The following LIN9 variants were observed in gnomAD, a reference collection of about 807,000 sequenced individuals.
The protein encoded by LIN9 is protein lin-9 homolog.
In LIN9, 18 loss-of-function variants were observed where a neutral mutation model predicts 78.0. The observed-to-expected ratio is 0.23, with a 90% CI of 0.16 to 0.34. The LOEUF (loss-of-function observed/expected upper bound fraction) is 0.34, where lower values mean the gene tolerates loss of function less well. LIN9 is among the 10% of genes least tolerant of loss of function. The probability of loss-of-function intolerance (pLI) is 1.00; values close to 1 mark genes in which losing one functional copy is unlikely to be tolerated. For synonymous variants in LIN9, 192 were observed against 215.2 expected, an observed-to-expected ratio of 0.89 and a Z score of 0.94; for missense variants, 451 against 644.1, an observed-to-expected ratio of 0.70 and a Z score of 3.25.
At chr1:226,297,995 C>T (rs1011485293) in intron 2 of LIN9, among the ~76,000 whole-genome samples, 182 bp from the exon 3 acceptor site, 2 of 152,134 alleles carry the variant, frequency 1.3e-5, no homozygotes, top group African/African-American at 4.8e-5. Flanking sequence ...CTGTCAAACT[C>T]TCTAAATAAT....
At position 226,232,356 on chromosome 1, in the gene LIN9, G is replaced by A; in HGVS notation, c.*145C>T. The A allele has an allele frequency of 3.8e-6, 2 of 525,260 alleles. No homozygotes were observed. Among genetic ancestry groups the A allele is most frequent in the Non-Finnish European group, 6.7e-6 (2 of 297,914 alleles). The allele number at this position is 525,260 out of a possible 1,614,324, so 32.5% of individuals were successfully genotyped here. A position where few individuals can be genotyped will look rare whatever the true frequency, so the allele number is the denominator to read the frequency against. ...GTCAGCAATGCTGGTTTAAGAAGCA[G>A]TACAGTCTATTAAAATGCCTTATTT... On this transcript the variant is annotated 3_prime_UTR_variant, in exon 15 of 15. Transcript: ENST00000681046.
At chr1:226,269,151 A>G (rs756522376) in intron 7 of LIN9, among the ~76,000 whole-genome samples, 1 of 152,270 alleles carries the variant, frequency 6.6e-6, no homozygotes, top group Non-Finnish European at 1.5e-5. Flanking sequence ...ACCAAAAAGT[A>G]TAATACACAA....
chr1:226,252,322 G>A (rs7521958), intron 10 of LIN9, among the ~76,000 whole-genome samples: 25,627 of 141,162 alleles, frequency 0.18, 2,373 homozygotes, highest in Middle Eastern at 0.26. Flanking sequence ...ATAAATAAAT[G>A]AATGAATGAA....
intron 3 of LIN9, 90 bp downstream of exon 3, chr1:226,297,629 T>TC: frequency 2.3e-6 from 2 of 862,896 alleles, no homozygotes; most frequent in South Asian, 5.4e-5. Flanking sequence ...CTTGTAAATT[T>TC]TTTACTGTGC....
chr1:226,235,179 G>A (rs555773945), intron 12 of LIN9, among the ~76,000 whole-genome samples: 1 of 151,780 alleles, frequency 6.6e-6, no homozygotes, highest in Admixed American at 6.6e-5. Flanking sequence ...AAAATTAGCT[G>A]GGCATGGTGG....
chr1:226,299,504 C>CA lies in LIN9; in HGVS notation c.64+1668dup, dbSNP rs34440310. Among the ~76,000 whole-genome samples, 595 of 88,792 alleles carry CA rather than the reference C, an allele frequency of 6.7e-3. 6 individuals carry two copies. The highest frequency in any genetic ancestry group is 0.016 in the African/African-American group (352 of 22,622). The allele number at this position is 88,792 out of a possible 152,430, so 58.3% of individuals were successfully genotyped here. ...TGGGCGACAAACCGAGACTCAGTCT[C>CA]AAAAAAAAAAAAAAAAAAGGCAGGG... On this transcript the variant is annotated intron_variant, in intron 2 of 14. Coordinates refer to ENST00000681046, the MANE Select transcript of LIN9 (RefSeq NM_001366245.2).
Position 226,265,614 on chromosome 1 carries a change from T to G in LIN9, c.957A>C (p.Gly319=). ...SPIIDNDPLL[G]QSPWRSKISG... is the part of the protein sequence containing the mutation. ...AAATTTTACTTCTCCACGGCGACTG[T>G]CCTAATAAAGGATCATTATCCTATG... The change falls in exon 10 of 15, where the codon GGA becomes GGC. Residue 319 remains glycine (G), a synonymous_variant. Coordinates refer to ENST00000681046, the MANE Select transcript of LIN9 (RefSeq NM_001366245.2). The surrounding 1 kb of genome is among the most constrained non-coding windows in gnomAD (Gnocchi z 4.1). 1 of 1,601,598 alleles carries G rather than the reference T, an allele frequency of 6.2e-7. No homozygotes were observed. The highest frequency in any genetic ancestry group is 8.6e-7 in the Non-Finnish European group (1 of 1,168,912).
rs750200706 is a variant in LIN9, at chr1:226,250,816, GAAAAA to G, written c.1119+18_1119+22del. On this transcript the variant is annotated intron_variant, in intron 11 of 14. Transcript: ENST00000681046. ...TTTTAAAATTAGACAAGCAAATGAA[GAAAAA>G]AAAAGAGAAATTCTTACCAATTTTT... 5 of 1,210,218 alleles carry G rather than the reference GAAAAA, an allele frequency of 4.1e-6. No individual in the cohort carries two copies. Among genetic ancestry groups the G allele is most frequent in the Middle Eastern group, 1.9e-4 (1 of 5,238 alleles). The allele number at this position is 1,210,218 out of a possible 1,614,324, so 75.0% of individuals were successfully genotyped here.
intron 7 of LIN9, among the ~76,000 whole-genome samples, chr1:226,274,162 G>A (rs1660485385): frequency 6.6e-6 from 1 of 152,054 alleles, no homozygotes; most frequent in South Asian, 2.1e-4. Context: ...AATTAATACT[G>A]TGTGTTCTTA....
intron 4 of LIN9, among the ~76,000 whole-genome samples, chr1:226,288,334 C>T (rs952297216): frequency 9.9e-5 from 15 of 152,094 alleles, no homozygotes; most frequent in Non-Finnish European, 2.9e-5. Context: ...AAACCAGTAT[C>T]GTAATATTAA....
At chr1:226,258,175 AAAACAAAC>A (rs145801833) in intron 10 of LIN9, among the ~76,000 whole-genome samples, 59,603 of 148,952 alleles carry the variant, frequency 0.4, 12,121 homozygotes, top group East Asian at 0.47. Flanking sequence ...CCTGTTCTCA[AAAACAAAC>A]AAACAAACAA....
intron 7 of LIN9, among the ~76,000 whole-genome samples, chr1:226,273,618 TTC>T (rs1347266341): frequency 6.6e-6 from 1 of 152,136 alleles, no homozygotes; most frequent in African/African-American, 2.4e-5. Flanking sequence ...TTTCTTCTTC[TTC>T]TTTTTTTTAA....
chr1:226,295,563 A>C (rs576540336), intron 4 of LIN9, among the ~76,000 whole-genome samples: 2 of 151,988 alleles, frequency 1.3e-5, no homozygotes, highest in Admixed American at 1.3e-4. Context: ...TCCCTCTTAT[A>C]TCTGTGCAAA....
chr1:226,241,070 A>G (rs987666824), intron 11 of LIN9, among the ~76,000 whole-genome samples: 3 of 152,210 alleles, frequency 2.0e-5, no homozygotes, highest in South Asian at 2.1e-4. Flanking sequence ...GGAATGCCAC[A>G]GTGGGAGTAG....
chr1:226,236,870 C>T (rs1352861077), intron 12 of LIN9, among the ~76,000 whole-genome samples: 1 of 152,062 alleles, frequency 6.6e-6, no homozygotes, highest in Non-Finnish European at 1.5e-5. Context: ...GTAATTATAC[C>T]ATGTTTATTA....
chr1:226,257,372 C>T (rs1466465187), intron 10 of LIN9, among the ~76,000 whole-genome samples: 2 of 152,164 alleles, frequency 1.3e-5, no homozygotes, highest in Admixed American at 1.3e-4. Context: ...CTTTTATTTT[C>T]CTTATTCCTA....
intron 10 of LIN9, among the ~76,000 whole-genome samples, chr1:226,264,421 A>C (rs1659789058): frequency 6.6e-6 from 1 of 152,144 alleles, no homozygotes; most frequent in Admixed American, 6.6e-5. Flanking sequence ...TTAAATAAAA[A>C]AATGTGATTG....
chr1:226,264,208 G>A (rs201988740), intron 10 of LIN9, among the ~76,000 whole-genome samples: 5 of 150,544 alleles, frequency 3.3e-5, no homozygotes, highest in Admixed American at 1.3e-4. Context: ...GTGAAACCCC[G>A]TCTCTACTAA....
At chr1:226,242,883 A>G (rs1310453672) in intron 11 of LIN9, among the ~76,000 whole-genome samples, 1 of 131,568 alleles carries the variant, frequency 7.6e-6, no homozygotes, top group Non-Finnish European at 1.6e-5. Context: ...AATAATGAAT[A>G]TGTTTTCTTT....
Sources: gnomAD v4.1 joint callset for allele counts (sites outside exome capture counted in the v4.1 genomes callset) on GRCh38, gnomAD v4.1.1 for gene constraint, Gnocchi (gnomAD v3.1) non-coding constraint, MANE v1.5 for transcripts, NCBI Gene and HGNC (gene_info 2026-07-23, HGNC 2026-07-21) for gene names.